Variants in TMTC2 observed in about 807,000 individuals in gnomAD.
TMTC2 encodes transmembrane O-mannosyltransferase targeting cadherins 2, also known as protein O-mannosyl-transferase TMTC2.
TMTC2 carries 43 observed loss-of-function variants against 82.4 expected under a neutral mutation model. The observed-to-expected ratio is 0.52, with a 90% CI of 0.41 to 0.67. TMTC2 has a LOEUF of 0.67. Ranked by LOEUF, TMTC2 falls within the 30% of genes least tolerant of loss-of-function variation. The pLI is 0.00. For synonymous variants in TMTC2, 408 were observed against 381.9 expected (o/e 1.07, Z -0.80); for missense variants, 919 against 1,012.4 (o/e 0.91, Z 1.25).
chr12:82,993,537 G>A (rs942711538), intron 8 of TMTC2, among the ~76,000 whole-genome samples: 1 of 151,912 alleles, frequency 6.6e-6, no homozygotes, highest in Admixed American at 6.6e-5. Flanking sequence ...ATCATTTACT[G>A]CTATAAGATA....
intron 11 of TMTC2, among the ~76,000 whole-genome samples, chr12:83,087,082 T>A (rs915654260): frequency 2.6e-5 from 4 of 152,256 alleles, no homozygotes; most frequent in Non-Finnish European, 4.4e-5. Context: ...CTCCACTGCT[T>A]TGTCAAATAA....
At chr12:82,791,971 G>A (rs879914307) in intron 1 of TMTC2, among the ~76,000 whole-genome samples, 14 of 152,212 alleles carry the variant, frequency 9.2e-5, no homozygotes, top group East Asian at 5.8e-4. Flanking sequence ...ATGACATGAC[G>A]TATACTTCCC....
At chr12:83,044,773 A>G (rs1240928978) in intron 9 of TMTC2, among the ~76,000 whole-genome samples, 1 of 152,230 alleles carries the variant, frequency 6.6e-6, no homozygotes, top group African/African-American at 2.4e-5. Flanking sequence ...ATTCTTTTCT[A>G]AAGAGAATTG....
intron 11 of TMTC2, among the ~76,000 whole-genome samples, chr12:83,095,240 TTG>T (rs766865819): frequency 0.053 from 7,946 of 150,224 alleles, 310 homozygotes; most frequent in East Asian, 0.21. Context: ...GTTTTTTTTT[TTG>T]TTTTTTTTGT....
chr12:83,091,392 T>C (rs536082066), intron 11 of TMTC2, among the ~76,000 whole-genome samples: 1 of 152,298 alleles, frequency 6.6e-6, no homozygotes, highest in East Asian at 1.9e-4. Context: ...CTTACATATT[T>C]TTTTACTTCT....
chr12:82,946,453 A>G (rs1001198333), intron 4 of TMTC2, among the ~76,000 whole-genome samples: 7 of 152,106 alleles, frequency 4.6e-5, no homozygotes, highest in Non-Finnish European at 1.5e-5. Flanking sequence ...CCCCTGCAGA[A>G]TTAAAGAATA....
chr12:82,766,040 C>T (rs533587206), intron 1 of TMTC2, among the ~76,000 whole-genome samples: 4 of 152,234 alleles, frequency 2.6e-5, no homozygotes, highest in South Asian at 2.1e-4. Context: ...AGTCCTGGCC[C>T]GGGCTCTGCT....
chr12:82,975,613 C>T (rs1412294916), intron 7 of TMTC2, among the ~76,000 whole-genome samples: 1 of 152,114 alleles, frequency 6.6e-6, no homozygotes. Context: ...TAGTAATTAA[C>T]ATTAATATAG....
intron 7 of TMTC2, among the ~76,000 whole-genome samples, chr12:82,984,955 C>G (rs1879091019): frequency 6.6e-6 from 1 of 151,972 alleles, no homozygotes; most frequent in Non-Finnish European, 1.5e-5. Flanking sequence ...GTATGTAGTG[C>G]TGGGCATGCT....
At chr12:82,894,021 T>G (rs183569416) in intron 2 of TMTC2, among the ~76,000 whole-genome samples, 94 of 152,262 alleles carry the variant, frequency 6.2e-4, no homozygotes, top group African/African-American at 2.3e-3. Context: ...ATGAGTGGAA[T>G]GTGGAGGGAA....
chr12:82,934,449 A>T (rs1402024861), intron 4 of TMTC2, among the ~76,000 whole-genome samples: 2 of 150,562 alleles, frequency 1.3e-5, no homozygotes, highest in African/African-American at 4.9e-5. Flanking sequence ...CTCATAGTTC[A>T]ACTCCCACTT....
chr12:82,995,448 T>C (rs1879577880), intron 8 of TMTC2, among the ~76,000 whole-genome samples: 1 of 152,138 alleles, frequency 6.6e-6, no homozygotes, highest in Admixed American at 6.5e-5. Flanking sequence ...CATGAACATG[T>C]TCACAAGTTC....
At position 83,132,240 on chromosome 12, in the gene TMTC2, A is replaced by G. The variant is rs1885278917; in HGVS notation, c.2362A>G (p.Ile788Val). 6.2e-7 allele frequency: 1 copy of G among 1,613,488 alleles called. No individual in the cohort carries two copies. Among genetic ancestry groups the G allele is most frequent in the African/African-American group, 1.3e-5 (1 of 74,862 alleles). The change falls in exon 12 of 12, where the codon ATT (isoleucine) becomes GTT (valine). Residue 788 changes from isoleucine (I) to valine (V), a missense_variant. By Grantham distance (29) the Ile-to-Val change is conservative. Coordinates refer to ENST00000321196, the MANE Select transcript of TMTC2 (RefSeq NM_152588.3). ...YPAALMNLGAILHLNGRLQKA... is the reference protein window; with the variant it reads ...YPAALMNLGAVLHLNGRLQKA... ...GGCTGCTTTGATGAACCTGGGAGCC[A>G]TTCTGCACCTCAATGGCAGACTCCA...
intron 11 of TMTC2, among the ~76,000 whole-genome samples, chr12:83,091,227 C>T (rs1883836286): frequency 1.3e-5 from 2 of 152,026 alleles, no homozygotes; most frequent in Admixed American, 1.3e-4. Context: ...TGAAGCATAA[C>T]CAAAGATGAT....
At chr12:82,886,698 C>T (rs1435929591) in intron 2 of TMTC2, among the ~76,000 whole-genome samples, 2 of 152,200 alleles carry the variant, frequency 1.3e-5, no homozygotes, top group East Asian at 1.9e-4. Flanking sequence ...GGGGAGAAAA[C>T]AAATGTTTCT....
chr12:82,917,815 G>C (rs1052875271), intron 3 of TMTC2, among the ~76,000 whole-genome samples: 1 of 152,078 alleles, frequency 6.6e-6, no homozygotes, highest in African/African-American at 2.4e-5. Context: ...TGTTAGCCAG[G>C]ATGGTCTTGA....
At chr12:82,725,200 T>A (rs1440895437) in intron 1 of TMTC2, among the ~76,000 whole-genome samples, 1 of 152,000 alleles carries the variant, frequency 6.6e-6, no homozygotes, top group African/African-American at 2.4e-5. Flanking sequence ...GATATCCAGG[T>A]TTGGAAGTGG....
chr12:82,953,761 A>C (rs1022169655), intron 4 of TMTC2, among the ~76,000 whole-genome samples: 1 of 152,200 alleles, frequency 6.6e-6, no homozygotes, highest in South Asian at 2.1e-4. Flanking sequence ...ATGTTGGTTC[A>C]TTTCAGTTTG....
intron 8 of TMTC2, among the ~76,000 whole-genome samples, chr12:83,017,758 T>G (rs1880737147): frequency 6.6e-6 from 1 of 151,590 alleles, no homozygotes. Context: ...TTGAATTCCA[T>G]TTTTGAATTG....
Sources: allele counts gnomAD v4.1 joint callset (sites outside exome capture counted in the v4.1 genomes callset), GRCh38; gene constraint gnomAD v4.1.1; transcripts MANE v1.5; gene names NCBI Gene and HGNC (gene_info 2026-07-23, HGNC 2026-07-21).